GALNT1: variants seen among roughly 807,000 people sequenced by gnomAD.
The protein encoded by GALNT1 is polypeptide N-acetylgalactosaminyltransferase 1, also known as GalNAc transferase 1.
GALNT1 carries 17 observed loss-of-function variants against 65.7 expected under a neutral mutation model. That is an observed-to-expected ratio of 0.26 (90% CI 0.18 to 0.39). The LOEUF (loss-of-function observed/expected upper bound fraction) is 0.39. Ranked by LOEUF, GALNT1 falls within the 10% of genes least tolerant of loss-of-function variation. The probability of loss-of-function intolerance (pLI) is 1.00; values close to 1 mark genes in which losing one functional copy is unlikely to be tolerated. For synonymous variants in GALNT1, 210 were observed against 219.7 expected, an observed-to-expected ratio of 0.96 and a Z score of 0.39; for missense variants, 460 against 672.8, an observed-to-expected ratio of 0.68 and a Z score of 3.50.
At chr18:35,653,403 T>C (rs2047335210) in intron 1 of GALNT1, among the ~76,000 whole-genome samples, 1 of 152,212 alleles carries the variant, frequency 6.6e-6, no homozygotes, top group Non-Finnish European at 1.5e-5. Flanking sequence ...TTCAGGTAAG[T>C]GCATCTCTGT....
chr18:35,604,167 CAT>C (rs2046616834), intron 1 of GALNT1, among the ~76,000 whole-genome samples: 1 of 152,078 alleles, frequency 6.6e-6, no homozygotes, highest in South Asian at 2.1e-4. Flanking sequence ...CTTATAAGAA[CAT>C]GTGGTATTTT....
intron 9 of GALNT1, among the ~76,000 whole-genome samples, chr18:35,698,942 A>G (rs2048109050): frequency 6.6e-6 from 1 of 152,172 alleles, no homozygotes; most frequent in South Asian, 2.1e-4. Context: ...ATGTCGCACC[A>G]TTGCACTGCA....
chr18:35,641,438 T>C (rs1204673654), intron 1 of GALNT1, among the ~76,000 whole-genome samples: 1 of 152,182 alleles, frequency 6.6e-6, no homozygotes, highest in African/African-American at 2.4e-5. Context: ...AGGGAGACCC[T>C]GTCTCCAAAA....
chr18:35,589,207 A>T (rs996575148), intron 1 of GALNT1, among the ~76,000 whole-genome samples: 6 of 152,236 alleles, frequency 3.9e-5, no homozygotes, highest in African/African-American at 1.4e-4. Context: ...GGTCCAGGAT[A>T]TCCGGGGGAG....
intron 1 of GALNT1, chr18:35,597,563 T>C (rs1013017505): frequency 2.0e-5 from 3 of 152,446 alleles, no homozygotes; most frequent in Admixed American, 2.0e-4. Context: ...TACATGCTGC[T>C]CCTTTAATTA....
At chr18:35,695,601 G>T (rs2048042677) in intron 9 of GALNT1, among the ~76,000 whole-genome samples, 2 of 152,176 alleles carry the variant, frequency 1.3e-5, no homozygotes, top group South Asian at 2.1e-4. Flanking sequence ...CAGTGCCAGG[G>T]CAGGCACAGA....
intron 1 of GALNT1, among the ~76,000 whole-genome samples, chr18:35,631,172 A>G (rs1266182719): frequency 3.3e-5 from 5 of 152,216 alleles, no homozygotes; most frequent in Non-Finnish European, 7.3e-5. Context: ...CAATCAATAG[A>G]AAAAGAGGGA....
chr18:35,591,525 A>G (rs933083189), intron 1 of GALNT1, among the ~76,000 whole-genome samples: 2 of 152,232 alleles, frequency 1.3e-5, no homozygotes, highest in African/African-American at 4.8e-5. Flanking sequence ...ACCTGTCCCC[A>G]TGGCTGTGCA....
At chr18:35,658,199 T>C (rs988315802) in intron 2 of GALNT1, among the ~76,000 whole-genome samples, 9 of 151,940 alleles carry the variant, frequency 5.9e-5, no homozygotes, top group African/African-American at 2.2e-4. Flanking sequence ...CCAGAAACAG[T>C]TGTGAGGTTA....
chr18:35,602,150 G>A (rs1403087930), intron 1 of GALNT1, among the ~76,000 whole-genome samples: 1 of 150,212 alleles, frequency 6.7e-6, no homozygotes, highest in Non-Finnish European at 1.5e-5. Context: ...ATCTGGGTTG[G>A]TAATTTTTTT....
intron 3 of GALNT1, among the ~76,000 whole-genome samples, chr18:35,671,524 A>T (rs887775469): frequency 6.6e-6 from 1 of 152,222 alleles, no homozygotes; most frequent in African/African-American, 2.4e-5. Flanking sequence ...ATGACTTGAT[A>T]TATTTGAACT....
At chr18:35,657,969 C>G (rs112925488) in intron 2 of GALNT1, among the ~76,000 whole-genome samples, 1 of 152,144 alleles carries the variant, frequency 6.6e-6, no homozygotes, top group Admixed American at 6.5e-5. Context: ...AGAACAAATT[C>G]TCAGCAGATG....
At chr18:35,586,705 C>G (rs1176403185) in intron 1 of GALNT1, among the ~76,000 whole-genome samples, 3 of 152,148 alleles carry the variant, frequency 2.0e-5, no homozygotes, top group Admixed American at 6.5e-5. Context: ...GTTGAATTGC[C>G]TTTGTATCTT....
chr18:35,623,131 A>T (rs2046876248), intron 1 of GALNT1, among the ~76,000 whole-genome samples: 1 of 152,156 alleles, frequency 6.6e-6, no homozygotes. Flanking sequence ...ATTTATTCAT[A>T]TATTTACCGT....
At chr18:35,652,872 G>A (rs1240185839) in intron 1 of GALNT1, among the ~76,000 whole-genome samples, 4 of 152,072 alleles carry the variant, frequency 2.6e-5, no homozygotes, top group South Asian at 4.1e-4. Flanking sequence ...TATTCTGCAG[G>A]CATTTTTTTC....
chr18:35,598,012 C>T (rs2046527585), intron 1 of GALNT1, among the ~76,000 whole-genome samples: 1 of 84,740 alleles, frequency 1.2e-5, no homozygotes, highest in African/African-American at 4.2e-5. Flanking sequence ...CCCTCCCCTC[C>T]CCTCCCCTCC....
chr18:35,630,682 G>T (rs28836610), intron 1 of GALNT1, among the ~76,000 whole-genome samples: 14 of 151,846 alleles, frequency 9.2e-5, no homozygotes. Context: ...AAGCTAGCAG[G>T]AGGCAAGAAA....
chr18:35,624,340 T>C (rs1305341444), intron 1 of GALNT1, among the ~76,000 whole-genome samples: 1 of 152,238 alleles, frequency 6.6e-6, no homozygotes, highest in Non-Finnish European at 1.5e-5. Context: ...CTCTGCACAG[T>C]GTAGGCTGGT....
chr18:35,628,800 A>G (rs1202396144), intron 1 of GALNT1, among the ~76,000 whole-genome samples: 1 of 152,232 alleles, frequency 6.6e-6, no homozygotes, highest in Non-Finnish European at 1.5e-5. Context: ...ACCCAACGCA[A>G]AGAAGTTAAA....
Sources: allele counts gnomAD v4.1 joint callset (sites outside exome capture counted in the v4.1 genomes callset), GRCh38; gene constraint gnomAD v4.1.1; transcripts MANE v1.5; gene names NCBI Gene and HGNC (gene_info 2026-07-23, HGNC 2026-07-21).